The following ARHGEF37 variants were observed in gnomAD, a reference collection of about 807,000 sequenced individuals.
ARHGEF37 encodes the protein Rho guanine nucleotide exchange factor (GEF) 37.
A neutral mutation model predicts 71.1 loss-of-function variants in ARHGEF37; 55 were observed. The ratio of observed to expected loss-of-function variants is 0.77; its 90% confidence interval spans 0.62 to 0.97. ARHGEF37 has a LOEUF of 0.97. ARHGEF37 is among the 50% of genes least tolerant of loss of function. ARHGEF37 has a pLI of 0.00. For missense variants in ARHGEF37, 765 were observed against 836.8 expected, an observed-to-expected ratio of 0.91 and a Z score of 1.06; for synonymous variants, 327 against 350.6, an observed-to-expected ratio of 0.93 and a Z score of 0.75.
intron 3 of ARHGEF37, among the ~76,000 whole-genome samples, chr5:149,601,750 T>C (rs1763761525): frequency 6.6e-6 from 1 of 152,176 alleles, no homozygotes; most frequent in African/African-American, 2.4e-5. Context: ...AGCTGAGATC[T>C]GAGTGTCAGG....
chr5:149,632,337 G>A lies in ARHGEF37; in HGVS notation c.*146G>A. On this transcript the variant is annotated 3_prime_UTR_variant, in exon 13 of 13. Transcript: ENST00000333677. ...AAGCACACTCAGGAGGCAGCCAGAAGACATGGGCGGGCCTCGCAGAGTGCT... is the reference window on the plus strand; with the variant it reads ...AAGCACACTCAGGAGGCAGCCAGAAAACATGGGCGGGCCTCGCAGAGTGCT... 1 of 874,574 alleles carries A rather than the reference G, an allele frequency of 1.1e-6. No individual in the cohort carries two copies. The highest frequency in any genetic ancestry group is 1.7e-6 in the Non-Finnish European group (1 of 579,762). The allele number at this position is 874,574 out of a possible 1,614,324, so 54.2% of individuals were successfully genotyped here.
At chr5:149,616,501 C>T in intron 4 of ARHGEF37, 66 bp from the exon 5 acceptor site, 3 of 1,482,316 alleles carry the variant, frequency 2.0e-6, no homozygotes, top group Non-Finnish European at 2.7e-6. Context: ...GTGAGGACTA[C>T]AGCCCAGGCC....
chr5:149,564,741 C>CTGAACCCAGGAGGCGGAGGTTGCCG (rs1762879554), intron 1 of ARHGEF37, among the ~76,000 whole-genome samples: 1 of 152,076 alleles, frequency 6.6e-6, no homozygotes, highest in Non-Finnish European at 1.5e-5. Context: ...GGAGAATCGC[C>CTGAACCCAGGAGGCGGAGGTTGCCG]TGAACCCAGG....
chr5:149,627,858 G>A (rs374220607), intron 11 of ARHGEF37, among the ~76,000 whole-genome samples: 12 of 152,174 alleles, frequency 7.9e-5, no homozygotes, highest in African/African-American at 2.9e-4. Flanking sequence ...AATATGAGGG[G>A]TGCCTGAGAT....
chr5:149,601,704 G>A lies in ARHGEF37; in HGVS notation c.310+473G>A, dbSNP rs75835733. 0.017 allele frequency among the ~76,000 whole-genome samples: 2,582 copies of A among 152,274 alleles called. 195 individuals carry two copies. In the East Asian group the frequency reaches 0.26, roughly 15 times the overall value. ...AAATAAATAGTCATGGTAACTTCTGGGTGTGAGGGAAGGCCTCTGGAGGAG... is the reference window on the plus strand; with the variant it reads ...AAATAAATAGTCATGGTAACTTCTGAGTGTGAGGGAAGGCCTCTGGAGGAG... On this transcript the variant is annotated intron_variant, in intron 3 of 12. Coordinates refer to ENST00000333677, the MANE Select transcript of ARHGEF37 (RefSeq NM_001001669.3).
intron 10 of ARHGEF37, among the ~76,000 whole-genome samples, chr5:149,625,053 T>C (rs1752646110): frequency 1.3e-5 from 2 of 151,686 alleles, no homozygotes; most frequent in Non-Finnish European, 2.9e-5. Flanking sequence ...CACCCACCAC[T>C]ACGCCTGGCT....
intron 1 of ARHGEF37, among the ~76,000 whole-genome samples, chr5:149,596,054 C>G (rs1374211789): frequency 6.6e-6 from 1 of 151,848 alleles, no homozygotes; most frequent in Non-Finnish European, 1.5e-5. Context: ...CACTAATGCC[C>G]AAGTCTCTGG....
intron 1 of ARHGEF37, among the ~76,000 whole-genome samples, chr5:149,575,872 C>T (rs1763022079): frequency 1.3e-5 from 2 of 151,292 alleles, no homozygotes; most frequent in Non-Finnish European, 2.9e-5. Context: ...AGGTGAACCC[C>T]CTGCCGTCCC....
intron 1 of ARHGEF37, among the ~76,000 whole-genome samples, chr5:149,573,235 G>A (rs1435891709): frequency 2.6e-5 from 4 of 152,074 alleles, no homozygotes; most frequent in Non-Finnish European, 5.9e-5. Context: ...CCTCTCATTA[G>A]GCCCCACCTC....
intron 1 of ARHGEF37, among the ~76,000 whole-genome samples, chr5:149,554,346 A>C (rs1213709245): frequency 6.6e-6 from 1 of 152,190 alleles, no homozygotes; most frequent in Non-Finnish European, 1.5e-5. Context: ...TGAATGAATG[A>C]ATGAATGAAT....
intron 10 of ARHGEF37, among the ~76,000 whole-genome samples, chr5:149,624,684 G>A (rs528526644): frequency 3.3e-5 from 5 of 152,268 alleles, no homozygotes; most frequent in African/African-American, 1.2e-4. Context: ...CAGAAGAATT[G>A]CTTTAGCCTG....
chr5:149,568,576 C>A (rs1465879232), intron 1 of ARHGEF37, among the ~76,000 whole-genome samples: 1 of 152,110 alleles, frequency 6.6e-6, no homozygotes, highest in Non-Finnish European at 1.5e-5. Context: ...CCTGTAATCC[C>A]AGCATTTTGA....
intron 11 of ARHGEF37, among the ~76,000 whole-genome samples, chr5:149,627,691 G>A (rs1013743095): frequency 1.3e-5 from 2 of 152,164 alleles, no homozygotes; most frequent in African/African-American, 4.8e-5. Flanking sequence ...CAGAATGAGG[G>A]GAGCGATCAT....
At chr5:149,579,721 A>G (rs1763069523), upstream of ARHGEF37, among the ~76,000 whole-genome samples, 1 of 151,956 alleles carries the variant, frequency 6.6e-6, no homozygotes, top group Non-Finnish European at 1.5e-5. Flanking sequence ...AGCTGGGATT[A>G]CAGGTGCCCA....
At position 149,618,188 on chromosome 5, in the gene ARHGEF37, C is replaced by A; in HGVS notation, c.671C>A (p.Thr224Asn). Residue 224 changes from threonine to asparagine, a missense_variant, in exon 6 of 13, where the codon ACC becomes AAC. Physicochemically the swap from Thr to Asn is moderately conservative, Grantham distance 65. This residue lies in a region of ARHGEF37 where 167 missense variants were observed against 173.3 expected (regional missense o/e 0.96). Coordinates refer to ENST00000333677, the MANE Select transcript of ARHGEF37 (RefSeq NM_001001669.3). ...KMRKEVASKY[T>N]KVEQLTLRER... ...TCTGTCGTTGCAGCCTCCAAGTACA[C>A]CAAGGTAGAGCAGCTGACCCTCCGG... 2 of 1,614,192 alleles carry A rather than the reference C, an allele frequency of 1.2e-6. No homozygotes were observed. The highest frequency in any genetic ancestry group is 8.5e-7 in the Non-Finnish European group (1 of 1,180,020).
At chr5:149,603,196 G>C (rs1239819686) in intron 3 of ARHGEF37, among the ~76,000 whole-genome samples, 1 of 152,160 alleles carries the variant, frequency 6.6e-6, no homozygotes, top group African/African-American at 2.4e-5. Context: ...GCCTCCCAAA[G>C]TGCTGGGATT....
At chr5:149,597,317 G>A (rs547359412) in intron 1 of ARHGEF37, among the ~76,000 whole-genome samples, 1 of 152,216 alleles carries the variant, frequency 6.6e-6, no homozygotes, top group East Asian at 1.9e-4. Context: ...GAGTGCAGTG[G>A]TGTGATCTTG....
At chr5:149,607,075 A>T (rs1763934594) in intron 3 of ARHGEF37, among the ~76,000 whole-genome samples, 1 of 151,604 alleles carries the variant, frequency 6.6e-6, no homozygotes, top group African/African-American at 2.4e-5. Flanking sequence ...TAATTTTTGT[A>T]TTTTTTTAGT....
chr5:149,565,262 A>G (rs1762884834), intron 1 of ARHGEF37, among the ~76,000 whole-genome samples: 1 of 152,210 alleles, frequency 6.6e-6, no homozygotes, highest in Non-Finnish European at 1.5e-5. Context: ...CTGTATTATA[A>G]TTGCTATAAA....
Sources: allele counts gnomAD v4.1 joint callset (sites outside exome capture counted in the v4.1 genomes callset), GRCh38; gene constraint gnomAD v4.1.1; regional missense constraint gnomAD v4.1.1; transcripts MANE v1.5; gene names NCBI Gene and HGNC (gene_info 2026-07-23, HGNC 2026-07-21).